Variants in SMG5 observed in about 807,000 individuals in gnomAD.
SMG5 encodes nonsense-mediated mRNA decay factor SMG5.
SMG5 carries 53 observed loss-of-function variants against 122.9 expected under a neutral mutation model. The ratio of observed to expected loss-of-function variants is 0.43; its 90% CI spans 0.35 to 0.54. The LOEUF (loss-of-function observed/expected upper bound fraction) is 0.54, where lower values mean the gene tolerates loss of function less well. Among genes scored for constraint, SMG5 ranks in the 20% least tolerant of loss-of-function variants. The pLI is 0.01. For missense variants in SMG5, 1,153 were observed against 1,285.6 expected, an observed-to-expected ratio of 0.90 and a Z score of 1.58; for synonymous variants, 477 against 490.2, an observed-to-expected ratio of 0.97 and a Z score of 0.35.
At chr1:156,269,512 G>A (rs1307623926) in intron 7 of SMG5, among the ~76,000 whole-genome samples, 2 of 151,898 alleles carry the variant, frequency 1.3e-5, no homozygotes, top group Non-Finnish European at 2.9e-5. Context: ...TGAGGCGGGC[G>A]TATCAAGAGG....
chr1:156,254,727 G>A (rs186464051), intron 16 of SMG5, among the ~76,000 whole-genome samples: 85 of 152,174 alleles, frequency 5.6e-4, no homozygotes, highest in South Asian at 2.5e-3. Flanking sequence ...TTACTGGTGC[G>A]AGCCACAGCG....
chr1:156,276,486 T>A (rs1662692408), intron 4 of SMG5, among the ~76,000 whole-genome samples: 4 of 152,176 alleles, frequency 2.6e-5, no homozygotes, highest in Admixed American at 2.6e-4. Context: ...AATTCCTCCA[T>A]GTGGTGACAA....
intron 16 of SMG5, 172 bp from the exon 17 acceptor site, chr1:156,253,680 C>G: frequency 1.5e-6 from 1 of 656,890 alleles, no homozygotes. Flanking sequence ...TATTCTTCCA[C>G]TGCACTCTGA....
In SMG5 at chr1:156,250,883, G is replaced by A. The variant is rs1448416280; in HGVS notation, c.2942C>T (p.Pro981Leu). The change falls in exon 21 of 22, where the codon CCC (proline) becomes CTC (leucine). Residue 981 changes from proline to leucine, a missense_variant. Pro to Leu is a moderately conservative substitution (Grantham distance 98). Transcript: ENST00000361813. ...CTGCATGGGGCCTGAAAGCACGCTGGGGTTGTCCAGTGGAAGGCCTGTGAT... is the reference window on the plus strand; with the variant it reads ...CTGCATGGGGCCTGAAAGCACGCTGAGGTTGTCCAGTGGAAGGCCTGTGAT... ...TIITGLPLDN[P>L]SVLSGPMQAA... 12 of 1,613,942 alleles carry A rather than the reference G, an allele frequency of 7.4e-6. No individual in the cohort carries two copies. The highest frequency in any genetic ancestry group is 3.3e-5 in the Admixed American group (2 of 60,022).
At position 156,252,962 on chromosome 1, in the gene SMG5, T is replaced by C. The variant is rs1167198995; in HGVS notation, c.2619A>G (p.Gln873=). The C allele has an allele frequency of 6.2e-7, 1 of 1,612,806 alleles. No homozygotes were observed. The highest frequency in any genetic ancestry group is 8.5e-7 in the Non-Finnish European group (1 of 1,179,540). ...ALCHHLPVIR[Q]LATSGRFIVI... is the part of the protein sequence containing the mutation. ...CAATGAAGCGGCCACTGGTGGCCAG[T>C]TGGCGGATGACAGGGAGATGGTGGC... Residue 873 remains glutamine, a synonymous_variant, in exon 18 of 22, where the codon CAA becomes CAG. Transcript: ENST00000361813.
chr1:156,261,452 G>T, intron 13 of SMG5, 44 bp from the exon 14 acceptor site: 1 of 1,536,856 alleles, frequency 6.5e-7, no homozygotes, highest in East Asian at 2.2e-5. Flanking sequence ...TAGAGACAGT[G>T]GTGGAGAACA....
At chr1:156,274,930 G>A (rs1662612548) in intron 4 of SMG5, among the ~76,000 whole-genome samples, 2 of 152,098 alleles carry the variant, frequency 1.3e-5, no homozygotes, top group Admixed American at 1.3e-4. Context: ...ACTGGAAAAG[G>A]AGGGCTAGGG....
At chr1:156,253,689 G>C in intron 16 of SMG5, 181 bp from the exon 17 acceptor site, 1 of 637,732 alleles carries the variant, frequency 1.6e-6, no homozygotes, top group Non-Finnish European at 2.8e-6. Flanking sequence ...ACTGCACTCT[G>C]AACAACTTCC....
upstream of SMG5, among the ~76,000 whole-genome samples, chr1:156,287,606 CTTTTTT>C (rs745468403): frequency 2.8e-5 from 2 of 72,640 alleles, no homozygotes; most frequent in Admixed American, 2.1e-4. Flanking sequence ...TTACTCTCCA[CTTTTTT>C]TTTTTTTTTT....
intron 16 of SMG5, among the ~76,000 whole-genome samples, chr1:156,255,207 C>T (rs530257236): frequency 2.0e-5 from 3 of 151,950 alleles, no homozygotes; most frequent in African/African-American, 2.4e-5. Flanking sequence ...AGTTCGAGAC[C>T]AGCCTGGCCA....
In SMG5 at chr1:156,249,965, A is replaced by C. The variant is rs1454293713; in HGVS notation, c.*622T>G. 1 of 470,626 alleles carries C rather than the reference A, an allele frequency of 2.1e-6. No individual in the cohort carries two copies. Among genetic ancestry groups the C allele is most frequent in the Non-Finnish European group, 4.4e-6 (1 of 226,820 alleles). 29.2% of individuals were successfully genotyped at this position (470,626 alleles called of 1,614,324 possible). A position where few individuals can be genotyped will look rare whatever the true frequency, so the allele number is the denominator to read the frequency against. On this transcript the variant is annotated 3_prime_UTR_variant, in exon 22 of 22. Coordinates refer to ENST00000361813, the MANE Select transcript of SMG5 (RefSeq NM_015327.3). ...TGGGATGTGCAGCCCCTGCAGCAGGAGGAGGAGCACACGAACCCTGACCCT... is the reference window on the plus strand; with the variant it reads ...TGGGATGTGCAGCCCCTGCAGCAGGCGGAGGAGCACACGAACCCTGACCCT...
the SMG5 span, chr1:156,290,471 C>T: frequency 6.6e-6 from 1 of 150,782 alleles, no homozygotes; most frequent in Admixed American, 6.6e-5. Flanking sequence ...GGGAGGACTG[C>T]CTGAGCTCAG....
At chr1:156,258,963 C>T in intron 16 of SMG5, 42 bp downstream of exon 16, 1 of 1,609,922 alleles carries the variant, frequency 6.2e-7, no homozygotes, top group Non-Finnish European at 8.5e-7. Context: ...TCAGTGAGCC[C>T]AATGGGAGCA....
chr1:156,269,908 C>T (rs1465291323), intron 7 of SMG5, among the ~76,000 whole-genome samples: 1 of 152,014 alleles, frequency 6.6e-6, no homozygotes, highest in Non-Finnish European at 1.5e-5. Flanking sequence ...GGCATGGTGG[C>T]ATGCGCCTTT....
rs770682592 is a variant in SMG5, at chr1:156,265,891, C to T, written c.1745G>A (p.Arg582Gln). 13 of 1,613,950 alleles carry T rather than the reference C, an allele frequency of 8.1e-6. No individual in the cohort carries two copies. The highest frequency in any genetic ancestry group is 1.7e-5 in the Admixed American group (1 of 60,000). ...CAGGTTGCTAAAGGTGGGGGCCAGT[C>T]GGAAGCAGCGCTTAGTCTGGAACAT... ...TQMFQTKRCF[R>Q]LAPTFSNLLL... The change falls in exon 12 of 22, where the codon CGA becomes CAA. Residue 582 changes from arginine to glutamine, a missense_variant. Coordinates refer to ENST00000361813, the MANE Select transcript of SMG5 (RefSeq NM_015327.3).
chr1:156,251,466 C>T lies in SMG5; in HGVS notation c.2765G>A (p.Cys922Tyr). The T allele has an allele frequency of 6.2e-7, 1 of 1,614,080 alleles. No homozygotes were observed. The highest frequency in any genetic ancestry group is 8.5e-7 in the Non-Finnish European group (1 of 1,180,010). Reference sequence around the variant, plus strand: ...AAAGCTCTTTCCCACCTCTTTCTGGCAGCGAATGTACCTGCAGAGGAGATG... The same window carrying T: ...AAAGCTCTTTCCCACCTCTTTCTGGTAGCGAATGTACCTGCAGAGGAGATG... ...EFKKGNRYIR[C>Y]QKEVGKSFER... The change falls in exon 20 of 22, where the codon TGC (cysteine) becomes TAC (tyrosine). Residue 922 changes from cysteine to tyrosine, a missense_variant. Cys to Tyr is a radical substitution (Grantham distance 194). Around this residue, in one of 5 missense-constraint regions of SMG5, gnomAD observed 140 missense variants for 227.8 expected, o/e 0.61. Transcript: ENST00000361813.
At chr1:156,264,314 C>T (rs1431625005) in intron 12 of SMG5, among the ~76,000 whole-genome samples, 1 of 146,778 alleles carries the variant, frequency 6.8e-6, no homozygotes, top group Non-Finnish European at 1.5e-5. Context: ...TAATTCCTAC[C>T]TCTTCTACTT....
intron 13 of SMG5, 77 bp from the exon 14 acceptor site, chr1:156,261,485 C>G: frequency 8.2e-7 from 1 of 1,214,102 alleles, no homozygotes; most frequent in Admixed American, 1.8e-5. Flanking sequence ...GAAAGCACCA[C>G]CCTGAGGGAT....
Position 156,249,622 on chromosome 1 carries a change from AGGAG to A in SMG5, c.*961_*964del. ...GGTCTTCAGTCCTGCGGAAGGCAAA[AGGAG>A]GGACGGGGGCCTCTGACTGAGCAGC... On this transcript the variant is annotated 3_prime_UTR_variant, in exon 22 of 22. Coordinates refer to ENST00000361813, the MANE Select transcript of SMG5 (RefSeq NM_015327.3). The A allele has an allele frequency of 2.5e-6, 1 of 401,582 alleles. No individual in the cohort carries two copies. Among genetic ancestry groups the A allele is most frequent in the Non-Finnish European group, 5.1e-6 (1 of 195,658 alleles). The allele number at this position is 401,582 out of a possible 1,614,324, so 24.9% of individuals were successfully genotyped here.
Sources: gnomAD v4.1 joint callset for allele counts (sites outside exome capture counted in the v4.1 genomes callset) on GRCh38, gnomAD v4.1.1 for gene constraint, gnomAD v4.1.1 regional missense constraint, MANE v1.5 for transcripts, NCBI Gene and HGNC (gene_info 2026-07-23, HGNC 2026-07-21) for gene names.